Variants in TRPM2 observed in about 807,000 individuals in gnomAD.
TRPM2 encodes estrogen-responsive element-associated gene 1 protein.
In TRPM2, 161 loss-of-function variants were observed where a neutral mutation model predicts 174.0. The ratio of observed to expected loss-of-function variants is 0.93; its 90% confidence interval spans 0.81 to 1.05. The LOEUF (loss-of-function observed/expected upper bound fraction) is 1.05, where lower values mean the gene tolerates loss of function less well. Ranked by LOEUF, TRPM2 falls within the 50% of genes least tolerant of loss-of-function variation. The probability of loss-of-function intolerance (pLI) is 0.00; values close to 1 mark genes in which losing one functional copy is unlikely to be tolerated. For missense variants in TRPM2, 2,057 were observed against 2,038.0 expected (o/e 1.01, Z -0.18); for synonymous variants, 954 against 861.3 (o/e 1.11, Z -1.88).
At chr21:44,435,980 A>G (rs1229903757) in intron 28 of TRPM2, among the ~76,000 whole-genome samples, 46 of 122,382 alleles carry the variant, frequency 3.8e-4, no homozygotes, top group African/African-American at 9.8e-4. Flanking sequence ...TCCCATCCAC[A>G]GGGACACAGC....
rs1189929403 is a variant in TRPM2, at chr21:44,391,242, C to T, written c.1441-30C>T. 6.3e-7 allele frequency: 1 copy of T among 1,589,182 alleles called. No homozygotes were observed. The highest frequency in any genetic ancestry group is 1.3e-5 in the African/African-American group (1 of 74,642). ...GATGACATGGGGTGATGACCAAATG[C>T]AACCGTCACTGCACAATGCTTGCTC... On this transcript the variant is annotated intron_variant, in intron 10 of 31. Transcript: ENST00000397928. The surrounding 1 kb of genome is among the most constrained non-coding windows in gnomAD (Gnocchi z 5.0).
chr21:44,394,322 T>C (rs1410719975), intron 11 of TRPM2, among the ~76,000 whole-genome samples: 9 of 147,376 alleles, frequency 6.1e-5, no homozygotes, highest in African/African-American at 1.5e-4. Context: ...CATTTCTTTT[T>C]TTTTTTTTTT....
chr21:44,427,254 C>T (rs1475790131), intron 27 of TRPM2, 143 bp downstream of exon 27: 6 of 726,320 alleles, frequency 8.3e-6, no homozygotes, highest in Non-Finnish European at 1.3e-5. Context: ...AAGAAAACAT[C>T]AACTCACTGC....
chr21:44,434,985 C>T (rs1467838064), intron 27 of TRPM2, 146 bp from the exon 28 acceptor site: 2 of 738,142 alleles, frequency 2.7e-6, no homozygotes, highest in Non-Finnish European at 4.6e-6. Context: ...ACTCCCTAGG[C>T]CAGAGCAGGT....
At chr21:44,406,141 C>T in intron 18 of TRPM2, 104 bp downstream of exon 18, 3 of 1,425,880 alleles carry the variant, frequency 2.1e-6, no homozygotes, top group Non-Finnish European at 2.8e-6. Context: ...TTAAACACAC[C>T]TGTAGGTTCC....
At chr21:44,425,483 G>A (rs1383976839) in intron 24 of TRPM2, 187 bp from the exon 25 acceptor site, 14 of 583,532 alleles carry the variant, frequency 2.4e-5, no homozygotes, top group South Asian at 1.9e-4. Context: ...CTGAGCTCCC[G>A]TGGCTGTCCT....
intron 19 of TRPM2, among the ~76,000 whole-genome samples, chr21:44,410,024 G>A (rs1290538517): frequency 6.6e-6 from 1 of 151,510 alleles, no homozygotes; most frequent in Non-Finnish European, 1.5e-5. Flanking sequence ...TCACTGTCTT[G>A]GTTGGCGTAG....
In TRPM2 at chr21:44,423,391, G is replaced by A. The variant is rs529929281; in HGVS notation, c.3462-254G>A. On this transcript the variant is annotated intron_variant, in intron 22 of 31. Coordinates refer to ENST00000397928, the MANE Select transcript of TRPM2 (RefSeq NM_003307.4). Reference sequence around the variant, plus strand: ...GTTCACTCACCTCCCCCTCTCTCCTGGGACCGACAGGCTGCCAGAGCTTGC... The same window carrying A: ...GTTCACTCACCTCCCCCTCTCTCCTAGGACCGACAGGCTGCCAGAGCTTGC... 181 of 494,078 alleles carry A rather than the reference G, an allele frequency of 3.7e-4. 2 individuals carry two copies. The South Asian group carries it at 3.8e-3, about 10-fold the overall frequency. The allele number at this position is 494,078 out of a possible 1,614,324, so 30.6% of individuals were successfully genotyped here. A position where few individuals can be genotyped will look rare whatever the true frequency, so the allele number is the denominator to read the frequency against.
rs1008552548 is a variant in TRPM2, at chr21:44,422,160, G to A, written c.3462-1485G>A. ...TACCAAGGGCCCTAGCCTGGTCACC[G>A]TCCCCTCCTCCAGTGAAGAAGCTGG... On this transcript the variant is annotated intron_variant, in intron 22 of 31. Transcript: ENST00000397928. 22 of 1,309,872 alleles carry A rather than the reference G, an allele frequency of 1.7e-5. No homozygotes were observed. In the South Asian group the frequency reaches 2.5e-4, roughly 15 times the overall value. The allele number at this position is 1,309,872 out of a possible 1,614,324, so 81.1% of individuals were successfully genotyped here. A position where few individuals can be genotyped will look rare whatever the true frequency, so the allele number is the denominator to read the frequency against.
chr21:44,401,003 T>G (rs561071460), intron 15 of TRPM2, among the ~76,000 whole-genome samples: 2 of 152,278 alleles, frequency 1.3e-5, no homozygotes, highest in South Asian at 4.1e-4. Context: ...CAACCCGCAG[T>G]CCACACTGCC....
At chr21:44,403,146 CCCCCAG>C (rs2049685633) in intron 16 of TRPM2, among the ~76,000 whole-genome samples, 2 of 152,282 alleles carry the variant, frequency 1.3e-5, no homozygotes, top group African/African-American at 4.8e-5. Flanking sequence ...CCTCCATGCA[CCCCCAG>C]CCCCAGCCCC....
At position 44,399,525 on chromosome 21, in the gene TRPM2, C is replaced by G; in HGVS notation, c.2208+84C>G. The G allele has an allele frequency of 6.6e-7, 1 of 1,511,570 alleles. No individual in the cohort carries two copies. Among genetic ancestry groups the G allele is most frequent in the Non-Finnish European group, 8.9e-7 (1 of 1,128,412 alleles). The allele number at this position is 1,511,570 out of a possible 1,614,324, so 93.6% of individuals were successfully genotyped here. On this transcript the variant is annotated intron_variant, in intron 14 of 31. Coordinates refer to ENST00000397928, the MANE Select transcript of TRPM2 (RefSeq NM_003307.4). This position sits in a 1 kb window ranked among gnomAD's most constrained non-coding sequence, Gnocchi z 4.6. ...CAGCCTCCTGTTCGTGCAGTTGGCA[C>G]GCACACTCACACAGGCTTCAGGGCC... is the stretch of plus-strand genomic sequence containing the variant.
In TRPM2 at chr21:44,395,594, G is replaced by T. The variant is rs373958140; in HGVS notation, c.1932+43G>T. ...TCAGTCTCAGCAGACACAGCTATAG[G>T]CCAGCGGCCAGCTGGGGAGTGTGGC... On this transcript the variant is annotated intron_variant, in intron 12 of 31. Coordinates refer to ENST00000397928, the MANE Select transcript of TRPM2 (RefSeq NM_003307.4). 10 of 1,609,170 alleles carry T rather than the reference G, an allele frequency of 6.2e-6. No homozygotes were observed. The African/African-American group carries it at 1.2e-4, about 19-fold the overall frequency.
chr21:44,408,238 C>T (rs559945083), intron 19 of TRPM2, among the ~76,000 whole-genome samples: 12 of 152,166 alleles, frequency 7.9e-5, no homozygotes, highest in South Asian at 2.1e-4. Context: ...TGAGCTACCG[C>T]GCAGGGCCGT....
At position 44,391,567 on chromosome 21, in the gene TRPM2, G is replaced by GGCCCC; in HGVS notation, c.1738_1742dup (p.His582ProfsTer23). On this transcript the variant is annotated frameshift_variant, in exon 11 of 32. Transcript: ENST00000397928. LOFTEE classifies it high-confidence loss of function. The surrounding 1 kb of genome is among the most constrained non-coding windows in gnomAD (Gnocchi z 5.0). Reference sequence around the variant, plus strand: ...GACTTCACGCAGCCGCTTTATCCCCGGCCCCGGCACAACGACCGGCTGCGG... The same window carrying GGCCCC: ...GACTTCACGCAGCCGCTTTATCCCCGGCCCCGCCCCGGCACAACGACCGGCTGCGG... The GGCCCC allele has an allele frequency of 1.3e-6, 2 of 1,594,218 alleles. No individual in the cohort carries two copies. Among genetic ancestry groups the GGCCCC allele is most frequent in the Non-Finnish European group, 1.7e-6 (2 of 1,175,906 alleles).
chr21:44,405,237 C>G lies in TRPM2; in HGVS notation c.2634C>G (p.Leu878=), dbSNP rs759157327. 9.3e-6 allele frequency: 15 copies of G among 1,613,288 alleles called. No homozygotes were observed. The Admixed American group carries it at 1.8e-4, about 20-fold the overall frequency. Reference sequence around the variant, plus strand: ...AGCTGGACGTCGGCGCAATCTTGCTCTTCGTGGCAGGGCTGACCTGCAGGT... The same window carrying G: ...AGCTGGACGTCGGCGCAATCTTGCTGTTCGTGGCAGGGCTGACCTGCAGGT... ...WNKLDVGAIL[L]FVAGLTCRLI... The change falls in exon 17 of 32, where the codon CTC becomes CTG. Residue 878 remains leucine, a synonymous_variant. Coordinates refer to ENST00000397928, the MANE Select transcript of TRPM2 (RefSeq NM_003307.4).
At position 44,354,115 on chromosome 21, in the gene TRPM2, G is replaced by A. The variant is rs899743786; in HGVS notation, c.165+250G>A. On this transcript the variant is annotated intron_variant, in intron 1 of 31. Coordinates refer to ENST00000397928, the MANE Select transcript of TRPM2 (RefSeq NM_003307.4). The surrounding 1 kb of genome is among the most constrained non-coding windows in gnomAD (Gnocchi z 4.3). ...CACCGGGTTAACTCAAAAATGTTGC[G>A]CTAGAGTCCTGGAAATCTGTTACCC... Among the ~76,000 whole-genome samples the A allele has an allele frequency of 4.6e-5, 7 of 152,300 alleles. No individual in the cohort carries two copies. In the South Asian group the frequency reaches 6.2e-4, roughly 14 times the overall value.
At chr21:44,416,122 C>T (rs933151) in intron 20 of TRPM2, 114,293 of 152,242 alleles carry the variant, frequency 0.75, 42,987 homozygotes, top group East Asian at 0.81. Context: ...AGTCTCCCCA[C>T]GTTGCCCCCA....
rs1050656098 is a variant in TRPM2, at chr21:44,400,387, G to A, written c.2321+16G>A. The A allele has an allele frequency of 1.5e-5, 24 of 1,602,584 alleles. No individual in the cohort carries two copies. In the Middle Eastern group the frequency reaches 9.9e-4, roughly 66 times the overall value. On this transcript the variant is annotated intron_variant, in intron 15 of 31. Transcript: ENST00000397928. Reference sequence around the variant, plus strand: ...TCTCCTTCAGGTGCTGCAGGGCTGCGGGGCTGCGGGACTGTGGGGCTGCGG... The same window carrying A: ...TCTCCTTCAGGTGCTGCAGGGCTGCAGGGCTGCGGGACTGTGGGGCTGCGG...
Sources: gnomAD v4.1 joint callset for allele counts (sites outside exome capture counted in the v4.1 genomes callset) on GRCh38, gnomAD v4.1.1 for gene constraint, Gnocchi (gnomAD v3.1) non-coding constraint, MANE v1.5 for transcripts, NCBI Gene and HGNC (gene_info 2026-07-23, HGNC 2026-07-21) for gene names.